Variants in LRMDA observed in about 807,000 individuals in gnomAD.
LRMDA encodes leucine rich melanocyte differentiation associated.
In LRMDA, 18 loss-of-function variants were observed where a neutral mutation model predicts 29.8. The ratio of observed to expected loss-of-function variants is 0.60; its 90% CI spans 0.42 to 0.90. LRMDA has a LOEUF of 0.90. LRMDA is among the 40% of genes least tolerant of loss of function. The pLI is 0.00. For missense variants in LRMDA, 273 were observed against 273.9 expected, an observed-to-expected ratio of 1.00 and a Z score of 0.02; for synonymous variants, 125 against 109.4, an observed-to-expected ratio of 1.14 and a Z score of -0.89.
intron 2 of LRMDA, among the ~76,000 whole-genome samples, chr10:75,677,182 C>G (rs1240974900): frequency 1.3e-5 from 2 of 152,124 alleles, no homozygotes; most frequent in African/African-American, 2.4e-5. Context: ...TGTTGCAGAA[C>G]ATTTCTTTCC....
At chr10:76,318,342 C>G (rs1327918051) in intron 5 of LRMDA, 1 of 152,184 alleles carries the variant, frequency 6.6e-6, no homozygotes, top group African/African-American at 2.4e-5. Context: ...CCAGATGCCA[C>G]TGTGGGCACT....
chr10:75,970,665 C>A (rs759311377), intron 2 of LRMDA, among the ~76,000 whole-genome samples: 2 of 152,198 alleles, frequency 1.3e-5, no homozygotes, highest in African/African-American at 2.4e-5. Context: ...TAGGAGAAAG[C>A]TGGGAAACTT....
rs1844175997 is a variant in LRMDA, at chr10:75,822,339, C to G, written c.132-213669C>G. ...ATGACACAAACAAATAGAAAAACATCTTGTGCTCCTGGAATGGAAGAATCA... is the reference window on the plus strand; with the variant it reads ...ATGACACAAACAAATAGAAAAACATGTTGTGCTCCTGGAATGGAAGAATCA... On this transcript the variant is annotated intron_variant, in intron 2 of 6. Transcript: ENST00000611255. 1.3e-5 allele frequency among the ~76,000 whole-genome samples: 2 copies of G among 152,098 alleles called. 1 individual carries two copies. The highest frequency in any genetic ancestry group is 1.3e-4 in the Admixed American group (2 of 15,274).
chr10:76,229,317 C>G (rs1852017694), intron 5 of LRMDA, among the ~76,000 whole-genome samples: 1 of 152,122 alleles, frequency 6.6e-6, no homozygotes, highest in South Asian at 2.1e-4. Flanking sequence ...GCTTATATGC[C>G]CTTCTCCATG....
At chr10:75,460,065 C>T (rs938694981) in intron 2 of LRMDA, among the ~76,000 whole-genome samples, 1 of 152,196 alleles carries the variant, frequency 6.6e-6, no homozygotes, top group African/African-American at 2.4e-5. Context: ...CTGGCCCCAG[C>T]ATTCAGATTA....
At chr10:76,477,284 G>A (rs1411747065) in intron 6 of LRMDA, among the ~76,000 whole-genome samples, 2 of 152,004 alleles carry the variant, frequency 1.3e-5, no homozygotes, top group African/African-American at 4.8e-5. Flanking sequence ...CAAATCATGA[G>A]TGAACTCCCA....
chr10:76,132,679 T>TGAGTACGAGTATCG (rs1207011799), intron 5 of LRMDA, among the ~76,000 whole-genome samples: 24 of 152,300 alleles, frequency 1.6e-4, no homozygotes, highest in African/African-American at 4.3e-4. Context: ...GGTGAGCGCA[T>TGAGTACGAGTATCG]GAGTACGAGT....
chr10:75,947,697 A>T (rs1322813217), intron 2 of LRMDA, among the ~76,000 whole-genome samples: 2 of 152,242 alleles, frequency 1.3e-5, no homozygotes, highest in Admixed American at 1.3e-4. Context: ...AAGTGGCACG[A>T]TATGCAAAAG....
At chr10:76,014,620 G>A (rs1031032258) in intron 2 of LRMDA, among the ~76,000 whole-genome samples, 4 of 152,168 alleles carry the variant, frequency 2.6e-5, no homozygotes, top group African/African-American at 9.7e-5. Flanking sequence ...GTTCAGCTTG[G>A]AGAACTCAAA....
chr10:75,815,430 T>C (rs1002852055), intron 2 of LRMDA, among the ~76,000 whole-genome samples: 1 of 152,196 alleles, frequency 6.6e-6, no homozygotes, highest in Admixed American at 6.5e-5. Flanking sequence ...CCCTCTCCTT[T>C]TGTGTACATG....
intron 2 of LRMDA, among the ~76,000 whole-genome samples, chr10:75,628,033 T>C (rs955691316): frequency 2.0e-5 from 3 of 152,234 alleles, no homozygotes; most frequent in Non-Finnish European, 4.4e-5. Context: ...CTCAGTAATA[T>C]TCTTCAGTGG....
At chr10:76,404,976 G>T (rs1841888011) in intron 6 of LRMDA, among the ~76,000 whole-genome samples, 1 of 152,178 alleles carries the variant, frequency 6.6e-6, no homozygotes, top group African/African-American at 2.4e-5. Flanking sequence ...GCAGCCTCTA[G>T]AAACTGGAAA....
Position 76,167,924 on chromosome 10 carries a change from T to C in LRMDA, c.516+109141T>C, listed in dbSNP as rs371952757. 3.3e-5 allele frequency among the ~76,000 whole-genome samples: 5 copies of C among 152,268 alleles called. 1 individual carries two copies. The highest frequency in any genetic ancestry group is 1.9e-4 in the East Asian group (1 of 5,182). On this transcript the variant is annotated intron_variant, in intron 5 of 6. Transcript: ENST00000611255. ...TTCCATTTGTTTGTGTCATTTCTGA[T>C]TTTTTTGAGCAGTGTTTTGTAGTTA...
intron 2 of LRMDA, among the ~76,000 whole-genome samples, chr10:75,791,656 C>G (rs1843566868): frequency 1.3e-5 from 2 of 152,158 alleles, no homozygotes; most frequent in East Asian, 3.9e-4. Flanking sequence ...CTTGTCCCAA[C>G]TTACAGTAGC....
chr10:76,172,209 A>G (rs1023371415), intron 5 of LRMDA, among the ~76,000 whole-genome samples: 1 of 152,148 alleles, frequency 6.6e-6, no homozygotes, highest in Non-Finnish European at 1.5e-5. Context: ...ACTAGGTCCC[A>G]TCTCTCAACA....
intron 2 of LRMDA, among the ~76,000 whole-genome samples, chr10:75,856,966 T>C (rs1009973896): frequency 1.3e-5 from 2 of 152,190 alleles, no homozygotes; most frequent in East Asian, 3.8e-4. Context: ...CTTAAGCTGA[T>C]AGGCAACTTC....
At chr10:76,023,630 A>C (rs983287710) in intron 2 of LRMDA, among the ~76,000 whole-genome samples, 16 of 152,220 alleles carry the variant, frequency 1.1e-4, no homozygotes, top group Admixed American at 7.9e-4. Flanking sequence ...AAAACAGTAC[A>C]GTGAGGCCCA....
At chr10:75,691,122 A>ACATAGATATATAGATCTATATATCTATG (rs1564541101) in intron 2 of LRMDA, among the ~76,000 whole-genome samples, 3 of 57,136 alleles carry the variant, frequency 5.3e-5, no homozygotes, top group Non-Finnish European at 8.2e-5. Context: ...ATATATCTAT[A>ACATAGATATATAGATCTATATATCTATG]TACATAGATA....
intron 2 of LRMDA, among the ~76,000 whole-genome samples, chr10:75,511,114 G>A (rs1466755217): frequency 2.6e-5 from 4 of 152,172 alleles, no homozygotes; most frequent in Non-Finnish European, 4.4e-5. Flanking sequence ...GATCGCTTGA[G>A]CCCAGGAGTT....
Sources: allele counts gnomAD v4.1 joint callset (sites outside exome capture counted in the v4.1 genomes callset), GRCh38; gene constraint gnomAD v4.1.1; transcripts MANE v1.5; gene names NCBI Gene and HGNC (gene_info 2026-07-23, HGNC 2026-07-21).